LOC101059915: variants seen among roughly 807,000 people sequenced by gnomAD.
the LOC101059915 span, chrX:71,670,311 C>T: frequency 8.6e-7 from 1 of 1,166,177 alleles, no homozygotes; most frequent in African/African-American, 1.8e-5. Flanking sequence ...GCAGCAGCCC[C>T]CGGGAGCCCA....
At chrX:71,668,355 C>A in the LOC101059915 span, 1 of 1,142,510 alleles carries the variant, frequency 8.8e-7, no homozygotes, top group Non-Finnish European at 1.2e-6. Context: ...GCTCGAAGAG[C>A]AGATTGAGCT....
At chrX:71,667,740 C>T in the LOC101059915 span, 5 of 983,151 alleles carry the variant, frequency 5.1e-6, no homozygotes, top group South Asian at 4.3e-5. Context: ...GCTCGGCTCT[C>T]CTCTCCCACT....
At chrX:71,670,217 C>A in the LOC101059915 span, 52 of 1,162,830 alleles carry the variant, frequency 4.5e-5, no homozygotes, top group Middle Eastern at 2.7e-4. Context: ...CTTTCCACCT[C>A]ACTGGGCGGC....
the LOC101059915 span, chrX:71,668,245 G>A: frequency 2.7e-6 from 3 of 1,122,240 alleles, no homozygotes; most frequent in Non-Finnish European, 3.5e-6. Flanking sequence ...TTGGAGAGGT[G>A]CGCTGAGCCC....
chrX:71,671,040 T>C, the LOC101059915 span: 12 of 752,838 alleles, frequency 1.6e-5, no homozygotes, highest in African/African-American at 2.3e-5. Context: ...AGAACCACTT[T>C]CCTGCTTAGA....
chrX:71,667,955 G>T, the LOC101059915 span: 19 of 1,157,264 alleles, frequency 1.6e-5, no homozygotes, highest in African/African-American at 3.1e-4. Flanking sequence ...AGTGGCAAGG[G>T]TAAGGGCAAG....
the LOC101059915 span, among the ~76,000 whole-genome samples, chrX:71,670,002 C>T: frequency 2.7e-5 from 3 of 112,581 alleles, no homozygotes; most frequent in African/African-American, 6.5e-5. Flanking sequence ...TCAGCCATAC[C>T]GGCCCTCCCA....
At chrX:71,667,714 G>A in the LOC101059915 span, 13 of 906,854 alleles carry the variant, frequency 1.4e-5, no homozygotes, top group South Asian at 4.6e-4. Context: ...TGGCCCCCTC[G>A]GCTGGGCTTG....
chrX:71,668,653 G>T, the LOC101059915 span: 1 of 1,079,227 alleles, frequency 9.3e-7, no homozygotes, highest in South Asian at 2.6e-5. Context: ...AGAGCTGGAC[G>T]TGCCTTCCTT....
the LOC101059915 span, chrX:71,669,602 G>C: frequency 1.0e-6 from 1 of 965,275 alleles, no homozygotes; most frequent in Non-Finnish European, 1.3e-6. Context: ...TCCGTGCGTC[G>C]TGGAGAATAC....
chrX:71,669,717 T>A, the LOC101059915 span: 5 of 973,344 alleles, frequency 5.1e-6, no homozygotes, highest in Non-Finnish European at 6.5e-6. Flanking sequence ...CATCCTCCGG[T>A]GAGTCTTGCG....
At chrX:71,668,525 G>C in the LOC101059915 span, 78 of 1,144,306 alleles carry the variant, frequency 6.8e-5, no homozygotes, top group African/African-American at 8.2e-4. Flanking sequence ...AAGAAGCCAG[G>C]AGACACTTGC....
At chrX:71,668,054 A>C in the LOC101059915 span, 5 of 1,160,466 alleles carry the variant, frequency 4.3e-6, no homozygotes, top group Non-Finnish European at 5.7e-6. Flanking sequence ...CTCTGGGGCC[A>C]GGAAGGCCGG....
chrX:71,670,621 C>T, the LOC101059915 span: 2 of 1,103,499 alleles, frequency 1.8e-6, no homozygotes, highest in South Asian at 4.7e-5. Flanking sequence ...GTGCATCTTG[C>T]TGCAGAGGGA....
the LOC101059915 span, chrX:71,668,339 A>T: frequency 8.8e-7 from 1 of 1,139,046 alleles, no homozygotes; most frequent in South Asian, 2.1e-5. Flanking sequence ...GAGAACCCAG[A>T]AAGGGGCTCG....
the LOC101059915 span, chrX:71,670,839 G>T: frequency 5.3e-6 from 4 of 752,249 alleles, no homozygotes; most frequent in African/African-American, 7.0e-5. Context: ...TGCACAGACA[G>T]CAATGTGTCG....
the LOC101059915 span, chrX:71,671,411 T>G: frequency 1.9e-6 from 1 of 538,492 alleles, no homozygotes; most frequent in Non-Finnish European, 3.0e-6. Context: ...GCTCCGGAGC[T>G]GCAGCTAAGC....
At chrX:71,669,700 T>C in the LOC101059915 span, 1 of 973,332 alleles carries the variant, frequency 1.0e-6, no homozygotes, top group Non-Finnish European at 1.3e-6. Context: ...GGTGCCCAGA[T>C]GCCATGCATC....
chrX:71,669,521 T>TC, the LOC101059915 span: 22 of 954,591 alleles, frequency 2.3e-5, no homozygotes, highest in Non-Finnish European at 2.6e-5. Context: ...TCACCGCCCG[T>TC]CCCCACTGCC....
Sources: gnomAD v4.1 joint callset for allele counts (sites outside exome capture counted in the v4.1 genomes callset) on GRCh38, gnomAD v4.1.1 for gene constraint, MANE v1.5 for transcripts.